MYBBP1A: variants seen among roughly 807,000 people sequenced by gnomAD.
MYBBP1A encodes the protein MYB binding protein 1a, also known as myb-binding protein 1A.
In MYBBP1A, 147 loss-of-function variants were observed where a neutral mutation model predicts 136.3. That is an observed-to-expected ratio of 1.08 (90% CI 0.94 to 1.24). The LOEUF is 1.24. MYBBP1A is among the 50% of genes most tolerant of loss of function. The pLI is 0.00. For missense variants in MYBBP1A, 2,060 were observed against 1,727.4 expected (o/e 1.19, Z -3.41); for synonymous variants, 947 against 735.8 (o/e 1.29, Z -4.65).
chr17:4,541,449 G>A lies in MYBBP1A; in HGVS notation c.3297+14C>T, dbSNP rs778164607. On this transcript the variant is annotated intron_variant, in intron 24 of 25. Transcript: ENST00000254718. The stretch of plus-strand genomic sequence containing the variant: ...GGAACCCGAACACGACCGCGGACTG[G>A]GCCCCCGCCTCACCTCATGTTTGCA... 1 of 1,609,534 alleles carries A rather than the reference G, an allele frequency of 6.2e-7. No homozygotes were observed. The highest frequency in any genetic ancestry group is 1.1e-5 in the South Asian group (1 of 91,048).
intron 14 of MYBBP1A, 23 bp from the exon 15 acceptor site, chr17:4,545,784 C>T (rs770929122): frequency 1.2e-6 from 2 of 1,607,236 alleles, no homozygotes; most frequent in South Asian, 1.1e-5. Flanking sequence ...GGGGTTGAGC[C>T]CGGATAGGGG....
Position 4,545,845 on chromosome 17 carries a change from C to A in MYBBP1A, c.1921+1G>T. On this transcript the variant is annotated splice_donor_variant, in intron 14 of 25. Transcript: ENST00000254718. LOFTEE classifies it high-confidence loss of function. Reference sequence around the variant, plus strand: ...AGTCCCTCTCGTGACCAAGGACCCACCGATGGTCTTGGTGCGGCTCCGGCG... The same window carrying A: ...AGTCCCTCTCGTGACCAAGGACCCAACGATGGTCTTGGTGCGGCTCCGGCG... The A allele has an allele frequency of 6.2e-7, 1 of 1,612,992 alleles. No homozygotes were observed. The highest frequency in any genetic ancestry group is 8.5e-7 in the Non-Finnish European group (1 of 1,179,862).
Position 4,545,160 on chromosome 17 carries a change from C to T in MYBBP1A, c.2176G>A (p.Gly726Ser), listed in dbSNP as rs768092544. 64 of 1,613,360 alleles carry T rather than the reference C, an allele frequency of 4.0e-5. No homozygotes were observed. Among genetic ancestry groups the T allele is most frequent in the Non-Finnish European group, 5.0e-5 (59 of 1,179,970 alleles). The change falls in exon 17 of 26, where the codon GGT becomes AGT. Residue 726 changes from glycine to serine, a missense_variant. Gly to Ser is a moderately conservative substitution (Grantham distance 56). Coordinates refer to ENST00000254718, the MANE Select transcript of MYBBP1A (RefSeq NM_014520.4). The part of the protein sequence containing the change: ...LKGAEDKSEE[G>S]EDNRSSESEE... ...CTCTCTGAGCTTCTGTTGTCCTCAC[C>T]TTCCTCGCTCTTGTCCTGTGTGGTA...
At position 4,541,793 on chromosome 17, in the gene MYBBP1A, CT is replaced by C. The variant is rs777308083; in HGVS notation, c.3185del (p.Lys1062ArgfsTer40). ...WKQLMGQVLAKVTENLRVLGE... is the reference protein window; with the variant it reads ...WKQLMGQVLAXVTENLRVLGE... ...GCCCCCCGGCTGTTACCTCGGTGAC[CT>C]TTGCTAGGACCTGGCCCATCAGCTG... On this transcript the variant is annotated frameshift_variant, in exon 23 of 26. Coordinates refer to ENST00000254718, the MANE Select transcript of MYBBP1A (RefSeq NM_014520.4). LOFTEE classifies it high-confidence loss of function. 84 of 1,614,068 alleles carry C rather than the reference CT, an allele frequency of 5.2e-5. No individual in the cohort carries two copies. Among genetic ancestry groups the C allele is most frequent in the South Asian group, 2.2e-4 (20 of 91,090 alleles).
At position 4,553,866 on chromosome 17, in the gene MYBBP1A, A is replaced by G. The variant is rs1241182767; in HGVS notation, c.505T>C (p.Tyr169His). Residue 169 changes from tyrosine to histidine, a missense_variant, in exon 5 of 26, where the codon TAC (tyrosine) becomes CAC (histidine). Physicochemically the swap from Tyr to His is moderately conservative, Grantham distance 83. Coordinates refer to ENST00000254718, the MANE Select transcript of MYBBP1A (RefSeq NM_014520.4). ...GGCTGCTCCTGCAAGTGGTTTTGGT[A>G]CTGGGCCAGGGCCTGCAGCAGCTTC... ...SVKLLQALAQ[Y>H]QNHLQEQPRK... The G allele has an allele frequency of 6.2e-7, 1 of 1,613,974 alleles. No individual in the cohort carries two copies.
intron 24 of MYBBP1A, among the ~76,000 whole-genome samples, chr17:4,541,243 G>A (rs1906391795): frequency 6.6e-6 from 1 of 152,260 alleles, no homozygotes; most frequent in East Asian, 1.9e-4. Flanking sequence ...CGCCCTGCAG[G>A]AGGAGGACAG....
chr17:4,539,851 C>G lies in MYBBP1A; in HGVS notation c.3551G>C (p.Arg1184Pro), dbSNP rs954890202. 2.5e-6 allele frequency: 4 copies of G among 1,607,986 alleles called. No homozygotes were observed. Among genetic ancestry groups the G allele is most frequent in the Non-Finnish European group, 3.4e-6 (4 of 1,179,930 alleles). Reference sequence around the variant, plus strand: ...CGCTGGCGTGCCATCCTCTGACTTGCGTTTCTTGCGCTTCTTCGTCTCTGG... The same window carrying G: ...CGCTGGCGTGCCATCCTCTGACTTGGGTTTCTTGCGCTTCTTCGTCTCTGG... ...FLPETKKRKK[R>P]KSEDGTPAED... Residue 1184 changes from arginine to proline, a missense_variant, in exon 26 of 26, where the codon CGC (arginine) becomes CCC (proline). By Grantham distance (103) the Arg-to-Pro change is moderately radical. Coordinates refer to ENST00000254718, the MANE Select transcript of MYBBP1A (RefSeq NM_014520.4).
In MYBBP1A at chr17:4,552,104, G is replaced by A. The variant is rs1354950458; in HGVS notation, c.905+21C>T. On this transcript the variant is annotated intron_variant, in intron 7 of 25. Coordinates refer to ENST00000254718, the MANE Select transcript of MYBBP1A (RefSeq NM_014520.4). The surrounding 1 kb of genome is among the most constrained non-coding windows in gnomAD (Gnocchi z 4.7). ...TCACGGACAGGGAAGGGGGCCGAGA[G>A]AGGACACGCGTCGCCCGCACCTGGC... The A allele has an allele frequency of 6.2e-7, 1 of 1,609,178 alleles. No individual in the cohort carries two copies. Among genetic ancestry groups the A allele is most frequent in the Non-Finnish European group, 8.5e-7 (1 of 1,176,994 alleles).
chr17:4,550,369 A>G lies in MYBBP1A; in HGVS notation c.1024-16T>C, dbSNP rs796701596. ...GCTTTGGGAGCTGCAAGAGTTAGGC[A>G]TGGCGCTGAGCCCACCAGCCCAGGG... On this transcript the variant is annotated splice_polypyrimidine_tract_variant and intron_variant, in intron 8 of 25. Transcript: ENST00000254718. 1.2e-6 allele frequency: 2 copies of G among 1,603,234 alleles called. No homozygotes were observed. Among genetic ancestry groups the G allele is most frequent in the Non-Finnish European group, 1.7e-6 (2 of 1,174,768 alleles).
intron 13 of MYBBP1A, 99 bp from the exon 14 acceptor site, chr17:4,546,041 G>A: frequency 2.7e-6 from 3 of 1,118,898 alleles, no homozygotes; most frequent in Non-Finnish European, 3.9e-6. Context: ...GCATCAAGAA[G>A]CCTCCAACAC....
At chr17:4,542,179 C>T in intron 22 of MYBBP1A, 1 of 586,602 alleles carries the variant, frequency 1.7e-6, no homozygotes, top group South Asian at 2.2e-5. Context: ...GGCACCAGAG[C>T]AGACACTACC....
intron 4 of MYBBP1A, 46 bp downstream of exon 4, chr17:4,553,973 C>T (rs1285333315): frequency 1.9e-6 from 3 of 1,613,654 alleles, no homozygotes; most frequent in Non-Finnish European, 2.5e-6. Context: ...GTCCCCCACC[C>T]ATCCCAAGCC....
At chr17:4,551,683 T>C (rs1456099195) in intron 8 of MYBBP1A, among the ~76,000 whole-genome samples, 197 bp downstream of exon 8, 1 of 151,840 alleles carries the variant, frequency 6.6e-6, no homozygotes, top group Non-Finnish European at 1.5e-5. Context: ...CGCTCCAGCC[T>C]GGGCGACAAG....
chr17:4,552,246 G>C lies in MYBBP1A; in HGVS notation c.784C>G (p.Arg262Gly). ...KMAASSVKKD[R>G]KLPAIALDLL... ...TCCAGAGCAATGGCGGGCAGCTTGCGGTCCTTCTTCACAGAGGAGGCGGCC... is the reference window on the plus strand; with the variant it reads ...TCCAGAGCAATGGCGGGCAGCTTGCCGTCCTTCTTCACAGAGGAGGCGGCC... Residue 262 changes from arginine (R) to glycine (G), a missense_variant, in exon 7 of 26, where the codon CGC becomes GGC. By Grantham distance (125) the Arg-to-Gly change is moderately radical. Transcript: ENST00000254718. The surrounding 1 kb of genome is among the most constrained non-coding windows in gnomAD (Gnocchi z 4.7). 1 of 1,614,188 alleles carries C rather than the reference G, an allele frequency of 6.2e-7. No individual in the cohort carries two copies. The highest frequency in any genetic ancestry group is 8.5e-7 in the Non-Finnish European group (1 of 1,180,052).
chr17:4,542,982 G>A lies in MYBBP1A; in HGVS notation c.2823C>T (p.Gly941=). The change falls in exon 20 of 26, where the codon GGC becomes GGT. Residue 941 remains glycine (G), a synonymous_variant. Coordinates refer to ENST00000254718, the MANE Select transcript of MYBBP1A (RefSeq NM_014520.4). ...GCTTCTCCTGTGTCTCATGCACGCA[G>A]CCCTCAGCAGTGTTGCCCTTCAAGA... The part of the protein sequence containing the change: ...LRVLKGNTAE[G]CVHETQEKQK... 6.2e-7 allele frequency: 1 copy of A among 1,614,076 alleles called. No individual in the cohort carries two copies. Among genetic ancestry groups the A allele is most frequent in the Non-Finnish European group, 8.5e-7 (1 of 1,179,988 alleles).
chr17:4,539,130 C>G lies in MYBBP1A; in HGVS notation c.*285G>C. 1 of 1,496,706 alleles carries G rather than the reference C, an allele frequency of 6.7e-7. No homozygotes were observed. Among genetic ancestry groups the G allele is most frequent in the South Asian group, 1.3e-5 (1 of 75,846 alleles). 92.7% of individuals were successfully genotyped at this position (1,496,706 alleles called of 1,614,324 possible). The stretch of plus-strand genomic sequence containing the variant: ...ACCTGCCTGCAGCCAGCACATCAAC[C>G]TGCACCAACCCAGGCAAACACCAGA... On this transcript the variant is annotated 3_prime_UTR_variant, in exon 26 of 26. Coordinates refer to ENST00000254718, the MANE Select transcript of MYBBP1A (RefSeq NM_014520.4).
In MYBBP1A at chr17:4,547,982, GAGC is replaced by G. The variant is rs750572728; in HGVS notation, c.1797_1799del (p.Leu601del). Reference sequence around the variant, plus strand: ...CCTTGAGGAGGTGGATGCCCACGAGGAGCAGAAGGTGCTGGAAGGCAGCAGCCC... The same window carrying G: ...CCTTGAGGAGGTGGATGCCCACGAGGAGAAGGTGCTGGAAGGCAGCAGCCC... On this transcript the variant is annotated inframe_deletion, in exon 13 of 26. Coordinates refer to ENST00000254718, the MANE Select transcript of MYBBP1A (RefSeq NM_014520.4). 7.1e-5 allele frequency: 109 copies of G among 1,524,740 alleles called. No individual in the cohort carries two copies. Among genetic ancestry groups the G allele is most frequent in the Non-Finnish European group, 8.7e-5 (98 of 1,132,614 alleles). 94.5% of individuals were successfully genotyped at this position (1,524,740 alleles called of 1,614,324 possible). A position where few individuals can be genotyped will look rare whatever the true frequency, so the allele number is the denominator to read the frequency against.
chr17:4,550,128 G>C lies in MYBBP1A; in HGVS notation c.1249C>G (p.Pro417Ala). Residue 417 changes from proline to alanine, a missense_variant, in exon 9 of 26, where the codon CCA becomes GCA. By Grantham distance (27) the Pro-to-Ala change is conservative. Transcript: ENST00000254718. ...AAGTCAACCAAGGAGTCCAGGTCTGGCTGGAGAAACATGGCCCGCAGCCAG... is the reference window on the plus strand; with the variant it reads ...AAGTCAACCAAGGAGTCCAGGTCTGCCTGGAGAAACATGGCCCGCAGCCAG... Reference protein sequence around the residue: ...VAWLRAMFLQPDLDSLVDFST... With the variant: ...VAWLRAMFLQADLDSLVDFST... 6.2e-7 allele frequency: 1 copy of C among 1,614,066 alleles called. No homozygotes were observed. The highest frequency in any genetic ancestry group is 1.7e-5 in the Admixed American group (1 of 60,032).
chr17:4,540,425 T>C lies in MYBBP1A; in HGVS notation c.3357A>G (p.Leu1119=), dbSNP rs149431351. The part of the protein sequence containing the change: ...LGVLQGQQQS[L]QQGAHSTGSS... ...AGCCGGTGGAGTGTGCCCCCTGCTG[T>C]AGGCTCTGCTGTTGCCCCTGCAGCA... The change falls in exon 25 of 26, where the codon CTA becomes CTG. Residue 1119 remains leucine (L), a synonymous_variant. Transcript: ENST00000254718. 3.1e-6 allele frequency: 5 copies of C among 1,611,160 alleles called. No individual in the cohort carries two copies. The highest frequency in any genetic ancestry group is 2.5e-6 in the Non-Finnish European group (3 of 1,179,736).
Sources: allele counts gnomAD v4.1 joint callset (sites outside exome capture counted in the v4.1 genomes callset), GRCh38; gene constraint gnomAD v4.1.1; non-coding constraint Gnocchi (gnomAD v3.1); transcripts MANE v1.5; gene names NCBI Gene and HGNC (gene_info 2026-07-23, HGNC 2026-07-21).